PRKCA: variants seen among roughly 807,000 people sequenced by gnomAD.
PRKCA encodes the protein protein kinase C alpha.
A neutral mutation model predicts 87.0 loss-of-function variants in PRKCA; 27 were observed. The observed-to-expected ratio is 0.31, with a 90% confidence interval of 0.23 to 0.43. PRKCA has a LOEUF of 0.43. Ranked by LOEUF, PRKCA falls within the 20% of genes least tolerant of loss-of-function variation. PRKCA has a pLI of 1.00. For missense variants in PRKCA, 518 were observed against 852.3 expected (o/e 0.61, Z 4.88); for synonymous variants, 329 against 311.1 (o/e 1.06, Z -0.61).
intron 4 of PRKCA, 82 bp downstream of exon 4, chr17:66,641,548 C>T (rs80025683): frequency 0.021 from 17,954 of 869,038 alleles, 236 homozygotes; most frequent in Non-Finnish European, 0.028. Flanking sequence ...GGCTCAGTAA[C>T]TTTTCAACAC....
At chr17:66,536,523 C>T (rs1198036397) in intron 3 of PRKCA, among the ~76,000 whole-genome samples, 7 of 152,318 alleles carry the variant, frequency 4.6e-5, no homozygotes, top group South Asian at 2.1e-4. Flanking sequence ...TAGTTAACTT[C>T]GGAGCCGGAA....
chr17:66,525,719 T>C (rs1328724678), intron 3 of PRKCA, among the ~76,000 whole-genome samples: 1 of 152,212 alleles, frequency 6.6e-6, no homozygotes, highest in African/African-American at 2.4e-5. Flanking sequence ...CCTAGAAGTG[T>C]TGATGAAAGT....
At chr17:66,706,984 G>A (rs529470441) in intron 8 of PRKCA, among the ~76,000 whole-genome samples, 2 of 152,240 alleles carry the variant, frequency 1.3e-5, no homozygotes, top group East Asian at 1.9e-4. Flanking sequence ...AAAGCAAAAG[G>A]GAGTGTGTTC....
intron 3 of PRKCA, among the ~76,000 whole-genome samples, chr17:66,637,988 C>G (rs1426576687): frequency 6.6e-6 from 1 of 152,138 alleles, no homozygotes; most frequent in Non-Finnish European, 1.5e-5. Context: ...GTGGCCCACA[C>G]AGTCTCTGTC....
chr17:66,657,551 G>T (rs1299994415), intron 5 of PRKCA, among the ~76,000 whole-genome samples: 2 of 152,168 alleles, frequency 1.3e-5, no homozygotes, highest in Non-Finnish European at 2.9e-5. Flanking sequence ...AAGTCACTCA[G>T]CTGGGAGTGG....
At chr17:66,413,121 C>T (rs1195309508) in intron 2 of PRKCA, among the ~76,000 whole-genome samples, 1 of 152,210 alleles carries the variant, frequency 6.6e-6, no homozygotes, top group African/African-American at 2.4e-5. Flanking sequence ...CTTCTCTCCT[C>T]AGATGCCAAC....
At chr17:66,366,737 A>G (rs1240649451) in intron 2 of PRKCA, among the ~76,000 whole-genome samples, 2 of 152,236 alleles carry the variant, frequency 1.3e-5, no homozygotes, top group Non-Finnish European at 2.9e-5. Flanking sequence ...TTCCTTGAAA[A>G]GAAAGGATGA....
At chr17:66,517,779 A>G (rs1967015283) in intron 3 of PRKCA, among the ~76,000 whole-genome samples, 1 of 152,168 alleles carries the variant, frequency 6.6e-6, no homozygotes, top group Admixed American at 6.5e-5. Flanking sequence ...TGAGGTGTGC[A>G]ACTTCCATGC....
intron 2 of PRKCA, among the ~76,000 whole-genome samples, chr17:66,445,062 T>C (rs1913964806): frequency 6.6e-6 from 1 of 152,228 alleles, no homozygotes; most frequent in South Asian, 2.1e-4. Flanking sequence ...GAATTTGTCA[T>C]CCAGATGTCG....
intron 8 of PRKCA, among the ~76,000 whole-genome samples, chr17:66,711,846 T>G (rs1973338409): frequency 6.6e-6 from 1 of 152,180 alleles, no homozygotes; most frequent in South Asian, 2.1e-4. Context: ...AACTTGTATC[T>G]CACCCTGCAG....
At chr17:66,771,705 C>T (rs901960264) in intron 13 of PRKCA, among the ~76,000 whole-genome samples, 15 of 152,132 alleles carry the variant, frequency 9.9e-5, no homozygotes, top group Admixed American at 2.0e-4. Context: ...AAGCGATTCT[C>T]CTACCTCAGC....
intron 2 of PRKCA, among the ~76,000 whole-genome samples, chr17:66,420,880 C>A (rs1912451010): frequency 6.6e-6 from 1 of 152,152 alleles, no homozygotes; most frequent in Non-Finnish European, 1.5e-5. Context: ...CCCCTGCATT[C>A]CCCTCCTTTG....
chr17:66,302,848 G>C lies in PRKCA; in HGVS notation c.-4G>C. 6.3e-7 allele frequency: 1 copy of C among 1,598,082 alleles called. No individual in the cohort carries two copies. Among genetic ancestry groups the C allele is most frequent in the Non-Finnish European group, 8.5e-7 (1 of 1,172,824 alleles). On this transcript the variant is annotated 5_prime_UTR_variant, in exon 1 of 17. Coordinates refer to ENST00000413366, the MANE Select transcript of PRKCA (RefSeq NM_002737.3). ...GCGGAGGCAAGAGGTGGTTGGGGGG[G>C]ACCATGGCTGACGTTTTCCCGGGCA...
intron 3 of PRKCA, among the ~76,000 whole-genome samples, chr17:66,565,922 C>T (rs1487535991): frequency 6.6e-6 from 1 of 152,020 alleles, no homozygotes; most frequent in Non-Finnish European, 1.5e-5. Flanking sequence ...TACCACAGCC[C>T]TAGTCCTCAA....
chr17:66,788,922 G>A lies in PRKCA; in HGVS notation c.1797G>A (p.Arg599=). The change falls in exon 16 of 17, where the codon AGG becomes AGA. Residue 599 remains arginine (R), a synonymous_variant. Transcript: ENST00000413366. The part of the protein sequence containing the change: ...RDVREHAFFR[R]IDWEKLENRE... ...TGAGAGAGCATGCCTTCTTCCGGAG[G>A]ATCGACTGGGAAAAACTGGAGAACA... 1.9e-6 allele frequency: 3 copies of A among 1,614,118 alleles called. No homozygotes were observed. Among genetic ancestry groups the A allele is most frequent in the Non-Finnish European group, 2.5e-6 (3 of 1,180,014 alleles).
intron 2 of PRKCA, among the ~76,000 whole-genome samples, chr17:66,326,769 A>G (rs1906005297): frequency 6.6e-6 from 1 of 152,192 alleles, no homozygotes; most frequent in African/African-American, 2.4e-5. Context: ...GTGTCCATCC[A>G]ATTCATATTT....
intron 2 of PRKCA, among the ~76,000 whole-genome samples, chr17:66,435,957 G>A (rs552274132): frequency 6.6e-6 from 1 of 152,310 alleles, no homozygotes; most frequent in African/African-American, 2.4e-5. Flanking sequence ...CAAGTTACAG[G>A]ATAAGGAAAG....
intron 9 of PRKCA, among the ~76,000 whole-genome samples, chr17:66,734,631 T>C (rs1035413064): frequency 2.6e-5 from 4 of 152,204 alleles, no homozygotes; most frequent in Non-Finnish European, 5.9e-5. Context: ...CTGTGTCTTG[T>C]GATACTAGCC....
intron 5 of PRKCA, among the ~76,000 whole-genome samples, chr17:66,647,772 A>G (rs974341090): frequency 1.3e-5 from 2 of 152,058 alleles, no homozygotes; most frequent in African/African-American, 4.8e-5. Flanking sequence ...AAGGAACAAG[A>G]CCTTTCACTG....
Sources: gnomAD v4.1 joint callset for allele counts (sites outside exome capture counted in the v4.1 genomes callset) on GRCh38, gnomAD v4.1.1 for gene constraint, MANE v1.5 for transcripts, NCBI Gene and HGNC (gene_info 2026-07-23, HGNC 2026-07-21) for gene names.